The following RFT1 variants were observed in gnomAD, a reference collection of about 807,000 sequenced individuals.
The protein encoded by RFT1 is man(5)GlcNAc(2)-PP-dolichol translocation protein RFT1.
RFT1 carries 43 observed loss-of-function variants against 62.2 expected under a neutral mutation model. The observed-to-expected ratio is 0.69, with a 90% CI of 0.54 to 0.89. The LOEUF (loss-of-function observed/expected upper bound fraction) is 0.89, where lower values mean the gene tolerates loss of function less well. RFT1 is among the 40% of genes least tolerant of loss of function. RFT1 has a pLI of 0.00. For missense variants in RFT1, 605 were observed against 649.9 expected (o/e 0.93, Z 0.75); for synonymous variants, 262 against 264.6 (o/e 0.99, Z 0.10).
At chr3:53,078,731 G>A in the RFT1 span, among the ~76,000 whole-genome samples, 1 of 152,194 alleles carries the variant, frequency 6.6e-6, no homozygotes, top group Non-Finnish European at 1.5e-5. Flanking sequence ...AGCAGCTCCA[G>A]ATCCTGTTTC....
chr3:53,106,919 T>C (rs1701494380), intron 7 of RFT1, 50 bp from the exon 8 acceptor site: 5 of 1,373,584 alleles, frequency 3.6e-6, no homozygotes, highest in African/African-American at 2.9e-5. Flanking sequence ...CACATTACTT[T>C]ATTGTTTCCT....
intron 11 of RFT1, 33 bp from the exon 12 acceptor site, chr3:53,092,651 T>C (rs1332229100): frequency 6.3e-7 from 1 of 1,599,368 alleles, no homozygotes; most frequent in African/African-American, 1.3e-5. Context: ...AGGGCAGTGG[T>C]GACCTTGCCC....
At chr3:53,102,592 C>G (rs371137373) in intron 10 of RFT1, among the ~76,000 whole-genome samples, 18 of 152,228 alleles carry the variant, frequency 1.2e-4, no homozygotes, top group African/African-American at 3.9e-4. Flanking sequence ...TAAGAAAAGC[C>G]TCTAGAACAC....
chr3:53,080,735 A>G, the RFT1 span, among the ~76,000 whole-genome samples: 12 of 152,206 alleles, frequency 7.9e-5, no homozygotes, highest in African/African-American at 2.7e-4. Context: ...GGCAAGTGCT[A>G]TTGTGCCCAT....
intron 11 of RFT1, among the ~76,000 whole-genome samples, chr3:53,097,970 G>A (rs1701191220): frequency 6.6e-6 from 1 of 152,162 alleles, no homozygotes; most frequent in South Asian, 2.1e-4. Flanking sequence ...GACCTACTAG[G>A]CTGGGAATCA....
downstream of RFT1, among the ~76,000 whole-genome samples, chr3:53,085,395 G>A (rs979064705): frequency 6.6e-6 from 1 of 152,064 alleles, no homozygotes; most frequent in African/African-American, 2.4e-5. Flanking sequence ...GTGTTCATTC[G>A]GCCTCACAGG....
At chr3:53,071,313 C>T in the RFT1 span, among the ~76,000 whole-genome samples, 13 of 152,094 alleles carry the variant, frequency 8.5e-5, no homozygotes, top group East Asian at 1.9e-4. Flanking sequence ...ATGGGTACAC[C>T]GATCCCTATG....
intron 8 of RFT1, 71 bp downstream of exon 8, chr3:53,106,748 G>A (rs1701486429): frequency 9.0e-7 from 1 of 1,115,588 alleles, no homozygotes. Context: ...AAATATATCA[G>A]AGAAAAATAT....
downstream of RFT1, among the ~76,000 whole-genome samples, chr3:53,087,144 C>T (rs1297398844): frequency 2.6e-5 from 4 of 152,084 alleles, no homozygotes; most frequent in East Asian, 1.9e-4. Flanking sequence ...GGCTGAGGCA[C>T]GAGAATTGCT....
chr3:53,122,462 A>G lies in RFT1; in HGVS notation c.368T>C (p.Val123Ala). 1 of 1,614,026 alleles carries G rather than the reference A, an allele frequency of 6.2e-7. No individual in the cohort carries two copies. Among genetic ancestry groups the G allele is most frequent in the Non-Finnish European group, 8.5e-7 (1 of 1,179,982 alleles). ...PNVVPHYATGVVLFGLSAVVE... is the reference protein window; with the variant it reads ...PNVVPHYATGAVLFGLSAVVE... ...CACTGCCGAGAGACCAAACAGCACCACTCCAGTTGCATAGTGAGGGACAAC... is the reference window on the plus strand; with the variant it reads ...CACTGCCGAGAGACCAAACAGCACCGCTCCAGTTGCATAGTGAGGGACAAC... Residue 123 changes from valine to alanine, a missense_variant, in exon 4 of 13, where the codon GTG (valine) becomes GCG (alanine). Coordinates refer to ENST00000296292, the MANE Select transcript of RFT1 (RefSeq NM_052859.4).
chr3:53,124,301 C>T (rs1702050934), intron 2 of RFT1, among the ~76,000 whole-genome samples: 1 of 152,206 alleles, frequency 6.6e-6, no homozygotes, highest in Non-Finnish European at 1.5e-5. Flanking sequence ...ATTACAGAGG[C>T]TGCTGCAACC....
chr3:53,106,786 C>T, intron 8 of RFT1, 33 bp downstream of exon 8: 1 of 1,476,060 alleles, frequency 6.8e-7, no homozygotes, highest in South Asian at 1.1e-5. Flanking sequence ...TAGTGTTCAC[C>T]TTTAATTAAA....
chr3:53,095,725 TAAA>T (rs5848975), intron 11 of RFT1, among the ~76,000 whole-genome samples: 4 of 146,298 alleles, frequency 2.7e-5, no homozygotes, highest in Non-Finnish European at 1.5e-5. Context: ...CAAAAAAAGT[TAAA>T]AAAAAAAAAA....
chr3:53,105,541 A>C, intron 9 of RFT1, 132 bp downstream of exon 9: 1 of 1,155,376 alleles, frequency 8.7e-7, no homozygotes, highest in Non-Finnish European at 1.3e-6. Context: ...ATCATGAAGA[A>C]TGTAATAGAA....
chr3:53,128,909 A>C (rs1702184648), intron 1 of RFT1, among the ~76,000 whole-genome samples: 1 of 152,286 alleles, frequency 6.6e-6, no homozygotes, highest in African/African-American at 2.4e-5. Context: ...CTGAGGGTTA[A>C]GTGATTTCCT....
chr3:53,124,371 T>C (rs973546947), intron 2 of RFT1, among the ~76,000 whole-genome samples: 1 of 152,118 alleles, frequency 6.6e-6, no homozygotes, highest in African/African-American at 2.4e-5. Context: ...TGAGCCTTCC[T>C]GCATCTTAGC....
the RFT1 span, among the ~76,000 whole-genome samples, chr3:53,075,296 G>A: frequency 6.6e-6 from 1 of 152,248 alleles, no homozygotes; most frequent in Admixed American, 6.5e-5. Context: ...TAGAAAGCAT[G>A]CGGCCATTTG....
chr3:53,088,053 G>C (rs1168473329), downstream of RFT1, among the ~76,000 whole-genome samples: 4 of 152,320 alleles, frequency 2.6e-5, no homozygotes, highest in East Asian at 7.7e-4. Flanking sequence ...CCTGATGGAG[G>C]AGGATATTAG....
the RFT1 span, among the ~76,000 whole-genome samples, chr3:53,075,918 G>A: frequency 1.3e-5 from 2 of 152,174 alleles, no homozygotes; most frequent in African/African-American, 4.8e-5. Flanking sequence ...GTTGGGTAGG[G>A]CTGGTTTAGC....
Sources: allele counts gnomAD v4.1 joint callset (sites outside exome capture counted in the v4.1 genomes callset), GRCh38; gene constraint gnomAD v4.1.1; transcripts MANE v1.5; gene names NCBI Gene and HGNC (gene_info 2026-07-23, HGNC 2026-07-21).